AUTS2: variants seen among roughly 807,000 people sequenced by gnomAD.
The protein encoded by AUTS2 is activator of transcription and developmental regulator AUTS2, also known as autism susceptibility gene 2 protein.
A neutral mutation model predicts 112.4 loss-of-function variants in AUTS2; 17 were observed. The observed-to-expected ratio is 0.15, with a 90% CI of 0.10 to 0.23. The LOEUF is 0.23. AUTS2 is among the 10% of genes least tolerant of loss of function. The pLI is 1.00. For missense variants in AUTS2, 1,510 were observed against 1,701.6 expected (o/e 0.89, Z 1.98); for synonymous variants, 751 against 702.7 (o/e 1.07, Z -1.09).
rs75895197 is a variant in AUTS2 at position 70,466,070 on chromosome 7, G to C, written c.690+30289G>C. Among the ~76,000 whole-genome samples the C allele has an allele frequency of 3.0e-3, 461 of 152,272 alleles. 3 individuals carry two copies. Among genetic ancestry groups the C allele is most frequent in the African/African-American group, 0.011 (438 of 41,566 alleles). On this transcript the variant is annotated intron_variant, in intron 5 of 18. Transcript: ENST00000342771. ...AGATATAGCTGACTCTGTGTGATCA[G>C]TGATTTTAAAATGACACTAGTGTCA...
Position 70,771,573 on chromosome 7 carries a change from G to A in AUTS2, c.1759G>A (p.Val587Met), listed in dbSNP as rs894978620. The change falls in exon 11 of 19, where the codon GTG (valine) becomes ATG (methionine). Residue 587 changes from valine to methionine, a missense_variant. Physicochemically the swap from Val to Met is conservative, Grantham distance 21. Transcript: ENST00000342771. ...HSLFHSYPPAVSGIPPMIPPT... is the reference protein window; with the variant it reads ...HSLFHSYPPAMSGIPPMIPPT... ...GCTCTTCCATTCCTATCCTCCTGCA[G>A]TGTCGGGCATCCCCCCTATGATCCC... The A allele has an allele frequency of 6.2e-7, 1 of 1,612,946 alleles. No individual in the cohort carries two copies. Among genetic ancestry groups the A allele is most frequent in the Non-Finnish European group, 8.5e-7 (1 of 1,179,210 alleles).
At chr7:70,772,193 T>G (rs957461861) in intron 11 of AUTS2, among the ~76,000 whole-genome samples, 1 of 152,186 alleles carries the variant, frequency 6.6e-6, no homozygotes, top group Admixed American at 6.5e-5. Context: ...CCTCCTTTCT[T>G]TCTCCCTCTC....
chr7:70,582,037 C>CTTTT (rs35939256), intron 5 of AUTS2, among the ~76,000 whole-genome samples: 2 of 128,770 alleles, frequency 1.6e-5, no homozygotes, highest in Admixed American at 7.8e-5. Context: ...ACCCAACCCA[C>CTTTT]TTTTTTTTTT....
intron 2 of AUTS2, among the ~76,000 whole-genome samples, chr7:69,935,409 C>CA (rs2129544367): frequency 6.6e-6 from 1 of 152,100 alleles, no homozygotes; most frequent in East Asian, 1.9e-4. Context: ...GTAGCCTTTT[C>CA]AAAATTTTTT....
chr7:70,276,296 T>A (rs1787926103), intron 4 of AUTS2, among the ~76,000 whole-genome samples: 1 of 152,182 alleles, frequency 6.6e-6, no homozygotes, highest in Admixed American at 6.5e-5. Flanking sequence ...AACAAAACTT[T>A]CTTATTTGCA....
At chr7:70,633,396 G>A (rs1805370244) in intron 5 of AUTS2, among the ~76,000 whole-genome samples, 1 of 152,160 alleles carries the variant, frequency 6.6e-6, no homozygotes, top group South Asian at 2.1e-4. Context: ...GGTAGGTGGT[G>A]AAGTCAGGAG....
intron 1 of AUTS2, among the ~76,000 whole-genome samples, chr7:69,682,323 G>A (rs1796834945): frequency 6.6e-6 from 1 of 152,186 alleles, no homozygotes; most frequent in Non-Finnish European, 1.5e-5. Context: ...GTCGTGTTTA[G>A]AGCCTAGTAC....
At chr7:70,129,302 C>T (rs1178231006) in intron 3 of AUTS2, among the ~76,000 whole-genome samples, 1 of 152,216 alleles carries the variant, frequency 6.6e-6, no homozygotes, top group Non-Finnish European at 1.5e-5. Context: ...AAGGAATTCT[C>T]TCTTCTCTGG....
At chr7:70,443,954 A>G (rs867690276) in intron 5 of AUTS2, among the ~76,000 whole-genome samples, 1 of 152,218 alleles carries the variant, frequency 6.6e-6, no homozygotes, top group African/African-American at 2.4e-5. Context: ...GATCTATAAA[A>G]GGAATTGTTC....
intron 10 of AUTS2, among the ~76,000 whole-genome samples, chr7:70,768,616 C>T (rs866241809): frequency 1.1e-4 from 16 of 152,014 alleles, no homozygotes; most frequent in Middle Eastern, 3.4e-3. Flanking sequence ...AAGAAACTCC[C>T]AAAATTGAAA....
intron 5 of AUTS2, among the ~76,000 whole-genome samples, chr7:70,686,253 A>T (rs942182995): frequency 2.6e-5 from 4 of 152,224 alleles, no homozygotes; most frequent in African/African-American, 9.6e-5. Flanking sequence ...TGATGAAGGT[A>T]AGTTGCTGTT....
At chr7:70,784,422 G>T (rs1791296220) in intron 15 of AUTS2, 1 of 152,112 alleles carries the variant, frequency 6.6e-6, no homozygotes, top group African/African-American at 2.4e-5. Context: ...TGAAAACTTG[G>T]TCCTCCGAGA....
chr7:70,671,412 A>G (rs1052050902), intron 5 of AUTS2, among the ~76,000 whole-genome samples: 2 of 152,206 alleles, frequency 1.3e-5, no homozygotes, highest in African/African-American at 4.8e-5. Flanking sequence ...CCTAGCCCCT[A>G]GAATATCTTT....
At chr7:70,663,563 T>C (rs997454271) in intron 5 of AUTS2, among the ~76,000 whole-genome samples, 10 of 151,772 alleles carry the variant, frequency 6.6e-5, no homozygotes, top group African/African-American at 2.4e-4. Flanking sequence ...CCCCGTTCTT[T>C]TCATCTCGTG....
At chr7:70,466,087 C>T (rs1797157285) in intron 5 of AUTS2, among the ~76,000 whole-genome samples, 1 of 152,112 alleles carries the variant, frequency 6.6e-6, no homozygotes, top group South Asian at 2.1e-4. Flanking sequence ...TAAAATGACA[C>T]TAGTGTCAGA....
At chr7:69,774,237 C>T (rs1049083284) in intron 1 of AUTS2, among the ~76,000 whole-genome samples, 3 of 152,096 alleles carry the variant, frequency 2.0e-5, no homozygotes, top group South Asian at 4.2e-4. Context: ...CGTAGACCTC[C>T]GTCTCTTAAA....
At chr7:70,711,311 C>G (rs960440269) in intron 6 of AUTS2, among the ~76,000 whole-genome samples, 1 of 152,182 alleles carries the variant, frequency 6.6e-6, no homozygotes, top group Non-Finnish European at 1.5e-5. Context: ...TCTGACTTTC[C>G]GAGCCCTCTC....
chr7:70,544,515 A>T (rs1800688858), intron 5 of AUTS2, among the ~76,000 whole-genome samples: 1 of 152,078 alleles, frequency 6.6e-6, no homozygotes, highest in African/African-American at 2.4e-5. Context: ...ATCCCCTCAA[A>T]TCTCACTTTG....
chr7:70,633,924 T>A (rs1378243369), intron 5 of AUTS2, among the ~76,000 whole-genome samples: 1 of 152,210 alleles, frequency 6.6e-6, no homozygotes, highest in Non-Finnish European at 1.5e-5. Flanking sequence ...GTGATGGCTG[T>A]GTCAGGATTA....
Sources: gnomAD v4.1 joint callset for allele counts (sites outside exome capture counted in the v4.1 genomes callset) on GRCh38, gnomAD v4.1.1 for gene constraint, MANE v1.5 for transcripts, NCBI Gene and HGNC (gene_info 2026-07-23, HGNC 2026-07-21) for gene names.